RGS7: variants seen among roughly 807,000 people sequenced by gnomAD.
The protein encoded by RGS7 is regulator of G-protein signaling 7.
RGS7 carries 27 observed loss-of-function variants against 81.1 expected under a neutral mutation model. That is an observed-to-expected ratio of 0.33 (90% CI 0.25 to 0.46). The LOEUF is 0.46. Among genes scored for constraint, RGS7 ranks in the 20% least tolerant of loss-of-function variants. The pLI is 1.00. For missense variants in RGS7, 396 were observed against 607.4 expected, an observed-to-expected ratio of 0.65 and a Z score of 3.66; for synonymous variants, 208 against 207.7, an observed-to-expected ratio of 1.00 and a Z score of -0.01.
intron 9 of RGS7, among the ~76,000 whole-genome samples, chr1:240,831,630 C>CTTTTTTTT (rs767275119): frequency 1.5e-5 from 2 of 135,400 alleles, no homozygotes; most frequent in Non-Finnish European, 1.6e-5. Context: ...TCCAGACATC[C>CTTTTTTTT]TTTTTTTTTT....
intron 3 of RGS7, among the ~76,000 whole-genome samples, chr1:241,063,093 G>A (rs777445203): frequency 2.0e-5 from 3 of 152,202 alleles, no homozygotes; most frequent in Admixed American, 6.5e-5. Context: ...GCTTTTTGAT[G>A]TTTGCTTTGT....
At chr1:241,332,461 G>C (rs1239854101) in intron 2 of RGS7, among the ~76,000 whole-genome samples, 1 of 152,114 alleles carries the variant, frequency 6.6e-6, no homozygotes, top group Admixed American at 6.5e-5. Flanking sequence ...ATAATCGTTT[G>C]AGGTGTCCAA....
chr1:241,206,567 A>T (rs60560701), intron 2 of RGS7, among the ~76,000 whole-genome samples: 11,020 of 152,214 alleles, frequency 0.072, 581 homozygotes, highest in East Asian at 0.26. Flanking sequence ...CTATCAGTAA[A>T]TTAGGAACTT....
chr1:241,078,951 C>T (rs2062980514), intron 3 of RGS7, among the ~76,000 whole-genome samples: 1 of 152,212 alleles, frequency 6.6e-6, no homozygotes, highest in African/African-American at 2.4e-5. Context: ...CAGAGGAATA[C>T]TTACATTTGA....
chr1:241,066,757 C>T (rs2148852290), intron 3 of RGS7, among the ~76,000 whole-genome samples: 1 of 152,136 alleles, frequency 6.6e-6, no homozygotes, highest in Non-Finnish European at 1.5e-5. Flanking sequence ...AATCACAAAA[C>T]AAATCTATTT....
intron 2 of RGS7, among the ~76,000 whole-genome samples, chr1:241,351,407 A>T (rs1228522612): frequency 7.6e-6 from 1 of 131,766 alleles, no homozygotes; most frequent in Non-Finnish European, 1.6e-5. Flanking sequence ...CAACAGAGCA[A>T]TACCCTGACT....
chr1:240,922,194 C>T (rs575680674), intron 6 of RGS7, among the ~76,000 whole-genome samples: 183 of 151,974 alleles, frequency 1.2e-3, no homozygotes, highest in African/African-American at 4.3e-3. Context: ...AATATAGACT[C>T]CAGATTTTAC....
At chr1:241,039,536 G>C (rs1003073861) in intron 3 of RGS7, among the ~76,000 whole-genome samples, 2 of 151,898 alleles carry the variant, frequency 1.3e-5, no homozygotes, top group African/African-American at 4.8e-5. Context: ...ATTTAGAAGA[G>C]ATTGGTCAGT....
At chr1:241,166,545 T>C (rs1449496071) in intron 2 of RGS7, among the ~76,000 whole-genome samples, 1 of 152,100 alleles carries the variant, frequency 6.6e-6, no homozygotes, top group Non-Finnish European at 1.5e-5. Context: ...GGCCAGAGAT[T>C]TTGGGTGTAA....
intron 18 of RGS7, among the ~76,000 whole-genome samples, chr1:240,782,874 G>A (rs1684367721): frequency 1.3e-5 from 2 of 152,158 alleles, no homozygotes; most frequent in Non-Finnish European, 2.9e-5. Context: ...GATTACATAT[G>A]TGTTATGTGA....
At chr1:240,850,129 C>A (rs1228175363) in intron 9 of RGS7, among the ~76,000 whole-genome samples, 2 of 152,158 alleles carry the variant, frequency 1.3e-5, no homozygotes, top group African/African-American at 2.4e-5. Context: ...ACAGTAAAGG[C>A]ATATCTCATT....
chr1:240,922,967 A>G (rs960859000), intron 6 of RGS7, among the ~76,000 whole-genome samples: 1 of 152,142 alleles, frequency 6.6e-6, no homozygotes, highest in African/African-American at 2.4e-5. Context: ...ATGTTCTTCA[A>G]TGGGTGACTG....
intron 18 of RGS7, among the ~76,000 whole-genome samples, chr1:240,787,995 G>A (rs544138320): frequency 1.7e-4 from 26 of 152,224 alleles, no homozygotes; most frequent in South Asian, 4.1e-4. Flanking sequence ...GTTTGGTTAC[G>A]ATTACGAGGC....
chr1:240,876,939 C>T (rs1188265110), intron 6 of RGS7, among the ~76,000 whole-genome samples: 1 of 152,006 alleles, frequency 6.6e-6, no homozygotes, highest in Non-Finnish European at 1.5e-5. Flanking sequence ...CCAGCCTGGG[C>T]AACAGTTGAA....
At chr1:241,310,388 C>T (rs10926460) in intron 2 of RGS7, among the ~76,000 whole-genome samples, 70,715 of 150,274 alleles carry the variant, frequency 0.47, 17,470 homozygotes, top group East Asian at 0.71. Context: ...TATGAGTGTG[C>T]GTGTGAGTGT....
At chr1:241,256,870 T>C (rs1022566663) in intron 2 of RGS7, among the ~76,000 whole-genome samples, 20 of 151,314 alleles carry the variant, frequency 1.3e-4, no homozygotes, top group African/African-American at 4.9e-4. Flanking sequence ...GCAAGGATAT[T>C]TGTCAACTTC....
chr1:241,257,976 T>C (rs2077129760), intron 2 of RGS7, among the ~76,000 whole-genome samples: 1 of 152,154 alleles, frequency 6.6e-6, no homozygotes, highest in Non-Finnish European at 1.5e-5. Flanking sequence ...AGTATAAAGG[T>C]ATTATAATAT....
At chr1:241,120,649 A>G (rs1447769897) in intron 2 of RGS7, among the ~76,000 whole-genome samples, 4 of 152,086 alleles carry the variant, frequency 2.6e-5, no homozygotes, top group African/African-American at 9.7e-5. Flanking sequence ...CCTGGCCTAA[A>G]CTGTGAAATT....
intron 3 of RGS7, among the ~76,000 whole-genome samples, chr1:241,037,442 C>A (rs1036458128): frequency 6.6e-6 from 1 of 152,052 alleles, no homozygotes; most frequent in Admixed American, 6.5e-5. Flanking sequence ...AAATGGAGGC[C>A]GGGCCCAGTG....
Sources: gnomAD v4.1 joint callset for allele counts (sites outside exome capture counted in the v4.1 genomes callset) on GRCh38, gnomAD v4.1.1 for gene constraint, MANE v1.5 for transcripts, NCBI Gene and HGNC (gene_info 2026-07-23, HGNC 2026-07-21) for gene names.